Variants in CTNND2 observed in about 807,000 individuals in gnomAD.
CTNND2 encodes catenin delta-2.
Under a neutral mutation model 144.4 loss-of-function variants are expected in CTNND2, and 22 were observed. The ratio of observed to expected loss-of-function variants is 0.15; its 90% CI spans 0.11 to 0.22. CTNND2 has a LOEUF of 0.22. Among genes scored for constraint, CTNND2 ranks in the 10% least tolerant of loss-of-function variants. The probability of loss-of-function intolerance (pLI) is 1.00; values close to 1 mark genes in which losing one functional copy is unlikely to be tolerated. For missense variants in CTNND2, 1,353 were observed against 1,618.8 expected, an observed-to-expected ratio of 0.84 and a Z score of 2.82; for synonymous variants, 751 against 695.6, an observed-to-expected ratio of 1.08 and a Z score of -1.25.
chr5:11,276,733 G>A (rs1746573036), intron 9 of CTNND2, among the ~76,000 whole-genome samples: 1 of 152,160 alleles, frequency 6.6e-6, no homozygotes, highest in African/African-American at 2.4e-5. Context: ...TTCAGGGTGG[G>A]CACAAAATCC....
chr5:11,016,627 C>T (rs4701904), intron 18 of CTNND2, among the ~76,000 whole-genome samples: 1,604 of 152,276 alleles, frequency 0.011, 16 homozygotes, highest in Middle Eastern at 0.031. Context: ...TGCAAGTGGC[C>T]AGGGGGCTGC....
At chr5:11,216,381 T>C (rs1036799746) in intron 10 of CTNND2, among the ~76,000 whole-genome samples, 2 of 152,198 alleles carry the variant, frequency 1.3e-5, no homozygotes, top group Admixed American at 1.3e-4. Flanking sequence ...GTGAGCTCCA[T>C]GCAACCAAAA....
intron 2 of CTNND2, among the ~76,000 whole-genome samples, chr5:11,695,590 G>T (rs972606995): frequency 2.1e-4 from 32 of 152,072 alleles, no homozygotes; most frequent in African/African-American, 7.5e-4. Flanking sequence ...GAGAAAAAAT[G>T]GAATATTTTT....
chr5:11,191,363 A>G (rs997479282), intron 11 of CTNND2, among the ~76,000 whole-genome samples: 4 of 152,206 alleles, frequency 2.6e-5, no homozygotes, highest in Non-Finnish European at 4.4e-5. Flanking sequence ...GACAGAACAC[A>G]CTCATGGGAC....
chr5:11,177,707 G>T (rs1760616335), intron 11 of CTNND2, among the ~76,000 whole-genome samples: 1 of 152,062 alleles, frequency 6.6e-6, no homozygotes, highest in Non-Finnish European at 1.5e-5. Context: ...GATCAAGTTA[G>T]ATGGAAATTT....
intron 9 of CTNND2, among the ~76,000 whole-genome samples, chr5:11,251,227 A>G (rs984891771): frequency 3.3e-5 from 5 of 152,168 alleles, no homozygotes; most frequent in Non-Finnish European, 7.3e-5. Context: ...TTCATGTTTC[A>G]CAGGGTGCCC....
intron 9 of CTNND2, among the ~76,000 whole-genome samples, chr5:11,268,278 T>G (rs1745655211): frequency 6.6e-6 from 1 of 152,168 alleles, no homozygotes; most frequent in Admixed American, 6.5e-5. Context: ...TCACCAAAGA[T>G]TCGATTTAAA....
At chr5:11,759,731 G>A (rs967005041) in intron 1 of CTNND2, among the ~76,000 whole-genome samples, 9 of 152,006 alleles carry the variant, frequency 5.9e-5, no homozygotes, top group African/African-American at 1.4e-4. Flanking sequence ...AATTGTGTAC[G>A]TACTATGGAC....
intron 2 of CTNND2, among the ~76,000 whole-genome samples, chr5:11,719,120 A>T (rs979634748): frequency 5.9e-5 from 9 of 152,234 alleles, no homozygotes; most frequent in African/African-American, 2.2e-4. Context: ...TCAGTTTCAG[A>T]AATGTTACAT....
chr5:11,588,749 T>C, intron 2 of CTNND2: 3 of 985,260 alleles, frequency 3.0e-6, no homozygotes, highest in Non-Finnish European at 3.6e-6. Flanking sequence ...ACTGTACCTT[T>C]TGAAATAAAT....
chr5:11,145,716 G>A (rs1284832764), intron 12 of CTNND2, among the ~76,000 whole-genome samples: 1 of 152,156 alleles, frequency 6.6e-6, no homozygotes, highest in Non-Finnish European at 1.5e-5. Flanking sequence ...AGCAAGAGGA[G>A]CCCCGTGTCT....
intron 9 of CTNND2, among the ~76,000 whole-genome samples, chr5:11,305,684 T>C (rs376349195): frequency 5.3e-4 from 80 of 152,352 alleles, no homozygotes; most frequent in African/African-American, 1.8e-3. Flanking sequence ...TGCCTCTTAA[T>C]GCACAGTAAC....
At chr5:11,599,975 T>A (rs1779699751) in intron 2 of CTNND2, among the ~76,000 whole-genome samples, 1 of 152,308 alleles carries the variant, frequency 6.6e-6, no homozygotes. Flanking sequence ...TCAAGGTACC[T>A]ACTTTTAGCA....
intron 1 of CTNND2, among the ~76,000 whole-genome samples, chr5:11,821,783 T>C (rs189625957): frequency 7.9e-5 from 12 of 152,320 alleles, no homozygotes; most frequent in Admixed American, 7.2e-4. Flanking sequence ...ATTAGAAATA[T>C]GAAAATTTCT....
intron 8 of CTNND2, among the ~76,000 whole-genome samples, chr5:11,349,175 T>C (rs550613796): frequency 1.3e-5 from 2 of 152,322 alleles, no homozygotes; most frequent in South Asian, 2.1e-4. Flanking sequence ...ATAACTCATA[T>C]GGAGAAAATA....
chr5:11,772,857 A>G (rs1459433550), intron 1 of CTNND2, among the ~76,000 whole-genome samples: 1 of 152,232 alleles, frequency 6.6e-6, no homozygotes, highest in Non-Finnish European at 1.5e-5. Context: ...CTACCTCTTC[A>G]AATAAAAGTT....
chr5:11,655,077 T>C (rs953006816), intron 2 of CTNND2, among the ~76,000 whole-genome samples: 1 of 152,120 alleles, frequency 6.6e-6, no homozygotes, highest in Non-Finnish European at 1.5e-5. Flanking sequence ...CAGTCAGTTA[T>C]ACTGGGTTAA....
intron 3 of CTNND2, among the ~76,000 whole-genome samples, chr5:11,512,233 T>C (rs759937084): frequency 2.6e-5 from 4 of 152,186 alleles, no homozygotes; most frequent in Non-Finnish European, 5.9e-5. Context: ...GGCTCCACAA[T>C]ATTCATTTTG....
chr5:11,713,825 T>C (rs1786179765), intron 2 of CTNND2, among the ~76,000 whole-genome samples: 1 of 152,100 alleles, frequency 6.6e-6, no homozygotes, highest in Non-Finnish European at 1.5e-5. Context: ...AAGACTAAAA[T>C]AAATGGTTTG....
Sources: gnomAD v4.1 joint callset for allele counts (sites outside exome capture counted in the v4.1 genomes callset) on GRCh38, gnomAD v4.1.1 for gene constraint, MANE v1.5 for transcripts, NCBI Gene and HGNC (gene_info 2026-07-23, HGNC 2026-07-21) for gene names.